The following GRID2 variants were observed in gnomAD, a reference collection of about 807,000 sequenced individuals.
GRID2 encodes the protein glutamate receptor ionotropic, delta-2.
GRID2 carries 33 observed loss-of-function variants against 114.8 expected under a neutral mutation model. The ratio of observed to expected loss-of-function variants is 0.29; its 90% CI spans 0.22 to 0.38. The LOEUF is 0.38. Ranked by LOEUF, GRID2 falls within the 10% of genes least tolerant of loss-of-function variation. The pLI is 1.00. For missense variants in GRID2, 1,184 were observed against 1,257.7 expected (o/e 0.94, Z 0.89); for synonymous variants, 505 against 449.9 (o/e 1.12, Z -1.55).
chr4:92,843,670 G>T (rs187303768), intron 2 of GRID2, among the ~76,000 whole-genome samples: 96 of 152,114 alleles, frequency 6.3e-4, no homozygotes, highest in Admixed American at 6.0e-3. Context: ...TTCAGTACTT[G>T]GTTTCTGTTG....
chr4:93,301,715 G>A (rs1366666437), intron 8 of GRID2, among the ~76,000 whole-genome samples: 2 of 152,014 alleles, frequency 1.3e-5, no homozygotes, highest in South Asian at 2.1e-4. Flanking sequence ...CAGTGCTTAC[G>A]ATATCAGCAA....
At chr4:93,526,002 T>C (rs1466658527) in intron 13 of GRID2, among the ~76,000 whole-genome samples, 1 of 152,196 alleles carries the variant, frequency 6.6e-6, no homozygotes, top group African/African-American at 2.4e-5. Context: ...TGCATATATA[T>C]TTTTTAAAAA....
At chr4:92,361,706 A>AT (rs1560586825) in intron 1 of GRID2, among the ~76,000 whole-genome samples, 1 of 152,050 alleles carries the variant, frequency 6.6e-6, no homozygotes, top group African/African-American at 2.4e-5. Flanking sequence ...TCTGTTGTAA[A>AT]TTTTTTTAAG....
chr4:92,872,759 C>T (rs1395246904), intron 2 of GRID2, among the ~76,000 whole-genome samples: 1 of 152,168 alleles, frequency 6.6e-6, no homozygotes, highest in Non-Finnish European at 1.5e-5. Flanking sequence ...AGTGACCTTA[C>T]CCCTTGGACC....
At chr4:92,310,512 G>T (rs752004526) in intron 1 of GRID2, among the ~76,000 whole-genome samples, 35 of 151,848 alleles carry the variant, frequency 2.3e-4, no homozygotes, top group Non-Finnish European at 4.0e-4. Context: ...AACATCTATG[G>T]ATTCATGTCA....
intron 8 of GRID2, among the ~76,000 whole-genome samples, chr4:93,385,809 A>G (rs1764259896): frequency 6.6e-6 from 1 of 152,124 alleles, no homozygotes; most frequent in Admixed American, 6.6e-5. Flanking sequence ...TCATTTTCAG[A>G]TCGAGAAACT....
chr4:92,791,752 G>A (rs553549754), intron 2 of GRID2, among the ~76,000 whole-genome samples: 1 of 151,962 alleles, frequency 6.6e-6, no homozygotes, highest in South Asian at 2.1e-4. Flanking sequence ...TCAATACCCT[G>A]AGACAGCAGT....
chr4:93,681,849 C>T (rs1032273395), intron 14 of GRID2, among the ~76,000 whole-genome samples: 7 of 151,966 alleles, frequency 4.6e-5, no homozygotes, highest in Non-Finnish European at 7.4e-5. Context: ...CTAGGCATTA[C>T]CATTCAGGAC....
chr4:92,405,583 T>C (rs76150558), intron 1 of GRID2, among the ~76,000 whole-genome samples: 6,522 of 152,128 alleles, frequency 0.043, 153 homozygotes, highest in South Asian at 0.081. Flanking sequence ...TTTCTTAAAT[T>C]TTCATACAAT....
At chr4:93,122,678 T>C (rs1317908258) in intron 4 of GRID2, among the ~76,000 whole-genome samples, 3 of 151,972 alleles carry the variant, frequency 2.0e-5, no homozygotes, top group Admixed American at 6.6e-5. Flanking sequence ...AAATATAGTT[T>C]TTACAATTGC....
At chr4:92,438,575 C>A (rs1238797909) in intron 1 of GRID2, among the ~76,000 whole-genome samples, 2 of 137,086 alleles carry the variant, frequency 1.5e-5, no homozygotes, top group African/African-American at 2.8e-5. Flanking sequence ...GGCAGTTTAC[C>A]TTCTGTGTGT....
intron 14 of GRID2, among the ~76,000 whole-genome samples, chr4:93,675,893 T>A (rs1724812188): frequency 6.6e-6 from 1 of 152,214 alleles, no homozygotes; most frequent in Admixed American, 6.5e-5. Context: ...AAGAATTTCC[T>A]AAGCAGAGGT....
intron 2 of GRID2, among the ~76,000 whole-genome samples, chr4:92,596,291 C>T (rs1445021369): frequency 6.6e-6 from 1 of 151,986 alleles, no homozygotes; most frequent in East Asian, 1.9e-4. Flanking sequence ...TCCTACTTTC[C>T]TTCCCACATC....
intron 2 of GRID2, among the ~76,000 whole-genome samples, chr4:92,963,059 A>C (rs976550177): frequency 6.6e-6 from 1 of 152,018 alleles, no homozygotes; most frequent in Non-Finnish European, 1.5e-5. Context: ...GTCTAAAAAA[A>C]CAACATGAAT....
chr4:92,768,361 G>T (rs1343927338), intron 2 of GRID2, among the ~76,000 whole-genome samples: 2 of 151,970 alleles, frequency 1.3e-5, no homozygotes, highest in South Asian at 4.2e-4. Flanking sequence ...CTGGTACTTT[G>T]ATCTGATCTG....
At chr4:92,601,864 T>A (rs1395971716) in intron 2 of GRID2, among the ~76,000 whole-genome samples, 3 of 151,790 alleles carry the variant, frequency 2.0e-5, no homozygotes, top group Non-Finnish European at 4.4e-5. Context: ...CAAACAACCA[T>A]CAGAGAATAC....
intron 2 of GRID2, among the ~76,000 whole-genome samples, chr4:92,774,637 CAGTGCAGT>C (rs1292860086): frequency 1.5e-5 from 2 of 132,848 alleles, no homozygotes; most frequent in African/African-American, 5.9e-5. Flanking sequence ...GGCTGAAGTG[CAGTGCAGT>C]GGTGCAGTGG....
chr4:93,103,443 A>G (rs1731892836), intron 3 of GRID2, among the ~76,000 whole-genome samples: 1 of 152,052 alleles, frequency 6.6e-6, no homozygotes, highest in African/African-American at 2.4e-5. Flanking sequence ...AAAACAATGA[A>G]AGGTTTTCAA....
rs70940888 is a variant in GRID2, at chr4:92,415,740, GTATATATATATATATATATA to G, written c.88+111018_88+111037del. 1.5e-3 allele frequency among the ~76,000 whole-genome samples: 124 copies of G among 82,216 alleles called. 4 individuals carry two copies. The South Asian group carries it at 0.021, about 14-fold the overall frequency. 53.9% of individuals were successfully genotyped at this position (82,216 alleles called of 152,430 possible). ...TGTGTGTGTGTGTGTGTGTATGTGT[GTATATATATATATATATATA>G]TATATATATATATATATATATCACA... On this transcript the variant is annotated intron_variant, in intron 1 of 15. Transcript: ENST00000282020.
Sources: gnomAD v4.1 joint callset for allele counts (sites outside exome capture counted in the v4.1 genomes callset) on GRCh38, gnomAD v4.1.1 for gene constraint, MANE v1.5 for transcripts, NCBI Gene and HGNC (gene_info 2026-07-23, HGNC 2026-07-21) for gene names.